Variants in KDM2A observed in about 807,000 individuals in gnomAD.
KDM2A encodes the protein lysine-specific demethylase 2A.
In KDM2A, 3 loss-of-function variants were observed where a neutral mutation model predicts 137.3. That is an observed-to-expected ratio of 0.02 (90% CI 0.01 to 0.06). The LOEUF (loss-of-function observed/expected upper bound fraction) is 0.06. Among genes scored for constraint, KDM2A ranks in the 10% least tolerant of loss-of-function variants. The probability of loss-of-function intolerance (pLI) is 1.00; values close to 1 mark genes in which losing one functional copy is unlikely to be tolerated. For synonymous variants in KDM2A, 512 were observed against 541.5 expected (o/e 0.95, Z 0.76); for missense variants, 738 against 1,510.6 (o/e 0.49, Z 8.48).
chr11:67,192,772 A>G (rs906114597), intron 5 of KDM2A, among the ~76,000 whole-genome samples: 4 of 151,906 alleles, frequency 2.6e-5, no homozygotes, highest in South Asian at 2.1e-4. Flanking sequence ...AAATAATGCT[A>G]CAATGAAGGT....
chr11:67,240,033 T>G, intron 12 of KDM2A: 1 of 1,303,702 alleles, frequency 7.7e-7, no homozygotes, highest in Non-Finnish European at 9.8e-7. Flanking sequence ...CGGCTCCCCC[T>G]CCTGCCATCT....
intron 2 of KDM2A, among the ~76,000 whole-genome samples, chr11:67,139,228 A>AC (rs1412822101): frequency 6.7e-6 from 1 of 149,016 alleles, no homozygotes; most frequent in Non-Finnish European, 1.5e-5. Context: ...AAAGATTGCT[A>AC]CTTTTTTTTT....
chr11:67,234,078 T>C (rs749379681), intron 12 of KDM2A, among the ~76,000 whole-genome samples: 7 of 152,238 alleles, frequency 4.6e-5, no homozygotes, highest in Non-Finnish European at 1.0e-4. Flanking sequence ...AGATTTAGAT[T>C]CCAGCTCTGC....
At chr11:67,192,203 C>T (rs1277622741) in intron 5 of KDM2A, among the ~76,000 whole-genome samples, 2 of 152,154 alleles carry the variant, frequency 1.3e-5, no homozygotes, top group African/African-American at 4.8e-5. Context: ...TTCCTTCCTC[C>T]TCTCTCCAGA....
chr11:67,164,867 G>A (rs1031087323), intron 2 of KDM2A, among the ~76,000 whole-genome samples: 4 of 151,952 alleles, frequency 2.6e-5, no homozygotes, highest in African/African-American at 9.7e-5. Flanking sequence ...CCAAAGTGCC[G>A]GGATTACATG....
intron 2 of KDM2A, among the ~76,000 whole-genome samples, chr11:67,162,812 C>A (rs1318237981): frequency 2.0e-5 from 3 of 152,178 alleles, no homozygotes; most frequent in East Asian, 1.9e-4. Context: ...TTCCTGGGCT[C>A]AAACAGTCTT....
intron 5 of KDM2A, among the ~76,000 whole-genome samples, chr11:67,201,523 C>T (rs1857623588): frequency 6.6e-6 from 1 of 151,792 alleles, no homozygotes; most frequent in African/African-American, 2.4e-5. Flanking sequence ...GTAATCCTAG[C>T]AGTTTGGGAG....
chr11:67,154,113 T>G (rs1856463028), intron 2 of KDM2A, among the ~76,000 whole-genome samples: 1 of 152,216 alleles, frequency 6.6e-6, no homozygotes, highest in Non-Finnish European at 1.5e-5. Context: ...CTCACTTGAC[T>G]TCAGTCCACG....
intron 6 of KDM2A, among the ~76,000 whole-genome samples, chr11:67,212,432 TGA>T (rs1435373858): frequency 2.0e-5 from 3 of 152,126 alleles, no homozygotes; most frequent in African/African-American, 7.2e-5. Flanking sequence ...CAGCAATAAC[TGA>T]GAGGTAGATT....
chr11:67,146,452 T>A (rs1311686635), intron 2 of KDM2A, among the ~76,000 whole-genome samples: 1 of 152,152 alleles, frequency 6.6e-6, no homozygotes, highest in Non-Finnish European at 1.5e-5. Flanking sequence ...AAACATTTAA[T>A]GAATTCAGTT....
rs1859543122 is a variant in KDM2A at position 67,254,614 on chromosome 11, G to GT, written c.3307+198dup. On this transcript the variant is annotated intron_variant, in intron 20 of 20. Transcript: ENST00000529006. The surrounding 1 kb of genome is among the most constrained non-coding windows in gnomAD (Gnocchi z 4.7). The stretch of plus-strand genomic sequence containing the variant: ...ACTGAGGCCTTGAGTAGTTAAGTCG[G>GT]TTGCCTGTCTGCGCAGCCAACATCC... 4.7e-6 allele frequency: 3 copies of GT among 643,624 alleles called. No homozygotes were observed. Among genetic ancestry groups the GT allele is most frequent in the Admixed American group, 5.6e-5 (2 of 35,972 alleles). 39.9% of individuals were successfully genotyped at this position (643,624 alleles called of 1,614,324 possible).
chr11:67,151,609 C>T (rs1050540039), intron 2 of KDM2A, among the ~76,000 whole-genome samples: 1 of 152,108 alleles, frequency 6.6e-6, no homozygotes, highest in Non-Finnish European at 1.5e-5. Flanking sequence ...CCTCCACCTC[C>T]CAAAGTGCTG....
At chr11:67,228,633 C>T (rs1170502903) in intron 11 of KDM2A, among the ~76,000 whole-genome samples, 1 of 144,704 alleles carries the variant, frequency 6.9e-6, no homozygotes, top group Non-Finnish European at 1.5e-5. Flanking sequence ...TGCAGTGAGC[C>T]GAAGATCATG....
rs752380945 is a variant in KDM2A, at chr11:67,245,368, G to A, written c.1743G>A (p.Glu581=). Residue 581 remains glutamate, a synonymous_variant, in exon 14 of 21, where the codon GAG becomes GAA. Coordinates refer to ENST00000529006, the MANE Select transcript of KDM2A (RefSeq NM_012308.3). This position sits in a 1 kb window ranked among gnomAD's most constrained non-coding sequence, Gnocchi z 4.1. The stretch of plus-strand genomic sequence containing the variant: ...AATGCAAAGCCTGTGTGCAAGGAGA[G>A]TGTGGTGTTTGCCACTACTGCAGAG... The part of the protein sequence containing the change: ...CRKCKACVQG[E]CGVCHYCRDM... 11 of 1,614,042 alleles carry A rather than the reference G, an allele frequency of 6.8e-6. No homozygotes were observed. Among genetic ancestry groups the A allele is most frequent in the Non-Finnish European group, 8.5e-6 (10 of 1,179,902 alleles).
chr11:67,250,371 A>C lies in KDM2A; in HGVS notation c.2341A>C (p.Ser781Arg). The C allele has an allele frequency of 6.2e-7, 1 of 1,613,992 alleles. No individual in the cohort carries two copies. Among genetic ancestry groups the C allele is most frequent in the Non-Finnish European group, 8.5e-7 (1 of 1,179,882 alleles). Residue 781 changes from serine to arginine, a missense_variant, in exon 17 of 21, where the codon AGC becomes CGC. Around this residue, in one of 9 missense-constraint regions of KDM2A, gnomAD observed 244 missense variants for 324.6 expected, o/e 0.75. Coordinates refer to ENST00000529006, the MANE Select transcript of KDM2A (RefSeq NM_012308.3). This position sits in a 1 kb window ranked among gnomAD's most constrained non-coding sequence, Gnocchi z 7.1. ...TMVREKENNP[S>R]GKKELSEVEK... is the part of the protein sequence containing the mutation. Reference sequence around the variant, plus strand: ...GGTACGGGAAAAGGAGAACAATCCCAGCGGCAAAAAGGAGCTGTCTGAAGT... The same window carrying C: ...GGTACGGGAAAAGGAGAACAATCCCCGCGGCAAAAAGGAGCTGTCTGAAGT...
At chr11:67,155,746 A>G (rs1412746825) in intron 2 of KDM2A, among the ~76,000 whole-genome samples, 1 of 151,384 alleles carries the variant, frequency 6.6e-6, no homozygotes, top group African/African-American at 2.4e-5. Context: ...CCTCCTAAGT[A>G]GCTGTGATTA....
At chr11:67,183,810 G>A (rs1369785554) in intron 5 of KDM2A, among the ~76,000 whole-genome samples, 1 of 152,022 alleles carries the variant, frequency 6.6e-6, no homozygotes, top group Non-Finnish European at 1.5e-5. Flanking sequence ...CAGAAGTACA[G>A]ACAAAGAGGC....
At chr11:67,240,782 G>A (rs1169682958) in intron 12 of KDM2A, among the ~76,000 whole-genome samples, 1 of 152,140 alleles carries the variant, frequency 6.6e-6, no homozygotes, top group Admixed American at 6.5e-5. Flanking sequence ...GGCCTCAGCT[G>A]GAGTCTGCCT....
At chr11:67,182,575 C>T (rs1228472001) in intron 5 of KDM2A, among the ~76,000 whole-genome samples, 1 of 148,232 alleles carries the variant, frequency 6.7e-6, no homozygotes, top group African/African-American at 2.5e-5. Flanking sequence ...CTCTGTCGCC[C>T]AGGCTGGAGT....
Sources: gnomAD v4.1 joint callset for allele counts (sites outside exome capture counted in the v4.1 genomes callset) on GRCh38, gnomAD v4.1.1 for gene constraint, gnomAD v4.1.1 regional missense constraint, Gnocchi (gnomAD v3.1) non-coding constraint, MANE v1.5 for transcripts, NCBI Gene and HGNC (gene_info 2026-07-23, HGNC 2026-07-21) for gene names.